The following NAALADL2 variants were observed in gnomAD, a reference collection of about 807,000 sequenced individuals.
NAALADL2 encodes N-acetylated alpha-linked acidic dipeptidase like 2.
Under a neutral mutation model 87.2 loss-of-function variants are expected in NAALADL2, and 76 were observed. The observed-to-expected ratio is 0.87, with a 90% CI of 0.72 to 1.05. The LOEUF (loss-of-function observed/expected upper bound fraction) is 1.05. NAALADL2 is among the 50% of genes least tolerant of loss of function. The pLI is 0.00. For missense variants in NAALADL2, 1,089 were observed against 945.8 expected, an observed-to-expected ratio of 1.15 and a Z score of -1.99; for synonymous variants, 354 against 331.0, an observed-to-expected ratio of 1.07 and a Z score of -0.75.
At chr3:175,043,067 TC>T (rs935694492) in intron 1 of NAALADL2, among the ~76,000 whole-genome samples, 4 of 152,150 alleles carry the variant, frequency 2.6e-5, no homozygotes, top group African/African-American at 9.7e-5. Context: ...TTGCAGATCC[TC>T]AGTCATTAAC....
rs1329700713 is a variant in NAALADL2, at chr3:174,508,111, G to GTGGTTTTTTTTTTTT, written c.-183-42456_-183-42442dup. 6.0e-5 allele frequency among the ~76,000 whole-genome samples: 4 copies of GTGGTTTTTTTTTTTT among 66,360 alleles called. 1 individual carries two copies. Among genetic ancestry groups the GTGGTTTTTTTTTTTT allele is most frequent in the African/African-American group, 2.2e-4 (4 of 18,434 alleles). The allele number at this position is 66,360 out of a possible 152,430, so 43.5% of individuals were successfully genotyped here. ...TTAAATTTTAGCTATTGGATATCTA[G>GTGGTTTTTTTTTTTT]TGGTTTTTTTTTTTTTTTTTGAGAC... is the stretch of plus-strand genomic sequence containing the variant. On this transcript the variant is annotated intron_variant, in intron 1 of 3. Coordinates refer to the NAALADL2 transcript ENST00000434257.
intron 5 of NAALADL2, among the ~76,000 whole-genome samples, chr3:175,432,541 C>A (rs1717944887): frequency 6.6e-6 from 1 of 152,020 alleles, no homozygotes; most frequent in Non-Finnish European, 1.5e-5. Context: ...CTCCGGTTAA[C>A]CTTGGCTCCT....
At chr3:175,444,596 T>C (rs1206400905) in intron 5 of NAALADL2, among the ~76,000 whole-genome samples, 1 of 152,208 alleles carries the variant, frequency 6.6e-6, no homozygotes, top group African/African-American at 2.4e-5. Flanking sequence ...GCCCCACACT[T>C]GATTTAATGC....
chr3:174,846,350 G>A (rs1263445795), intron 3 of NAALADL2, among the ~76,000 whole-genome samples: 1 of 152,114 alleles, frequency 6.6e-6, no homozygotes, highest in East Asian at 1.9e-4. Flanking sequence ...AGTTGTAGTT[G>A]TTTATTTGTT....
At chr3:174,606,123 G>A (rs1280859470) in intron 2 of NAALADL2, among the ~76,000 whole-genome samples, 2 of 152,112 alleles carry the variant, frequency 1.3e-5, no homozygotes, top group African/African-American at 2.4e-5. Context: ...TCTGTTAGAA[G>A]GAAAACTAAC....
intron 9 of NAALADL2, among the ~76,000 whole-genome samples, chr3:175,553,911 C>T (rs190931443): frequency 1.3e-3 from 194 of 151,980 alleles, no homozygotes; most frequent in Non-Finnish European, 2.1e-3. Flanking sequence ...GAGTATGCAT[C>T]CTAGTGGAAG....
At chr3:175,531,760 T>G (rs1199139771) in intron 9 of NAALADL2, among the ~76,000 whole-genome samples, 7 of 152,172 alleles carry the variant, frequency 4.6e-5, no homozygotes, top group Non-Finnish European at 1.0e-4. Flanking sequence ...TGAGACCACA[T>G]CTGGTACAAC....
At chr3:175,786,872 A>T (rs1229138135) in intron 13 of NAALADL2, among the ~76,000 whole-genome samples, 1 of 151,824 alleles carries the variant, frequency 6.6e-6, no homozygotes, top group African/African-American at 2.4e-5. Context: ...GATTATGGTG[A>T]TGTACAGATG....
rs1366545797 is a variant in NAALADL2 at position 174,831,562 on chromosome 3, A to G, written c.-9+93816A>G. ...AATGTTCATCAAGGATATTGGTCTA[A>G]AATTCTCTTTTTTTGTTGTGTCTCT... On this transcript the variant is annotated intron_variant, in intron 3 of 3. Transcript: ENST00000434257. Among the ~76,000 whole-genome samples, 5 of 149,846 alleles carry G rather than the reference A, an allele frequency of 3.3e-5. No individual in the cohort carries two copies. In the East Asian group the frequency reaches 7.8e-4, roughly 23 times the overall value.
Position 175,110,765 on chromosome 3 carries a change from C to A in NAALADL2, c.545+13474C>A, listed in dbSNP as rs1172622530. Among the ~76,000 whole-genome samples the A allele has an allele frequency of 2.0e-5, 3 of 151,656 alleles. No homozygotes were observed. The East Asian group carries it at 5.8e-4, about 29-fold the overall frequency. ...TAAATTTGGGGATTGCGGAAAATGT[C>A]ACTTAGAAAATAATTTGCTGATTGG... is the stretch of plus-strand genomic sequence containing the variant. On this transcript the variant is annotated intron_variant, in intron 2 of 13. Transcript: ENST00000454872.
intron 2 of NAALADL2, among the ~76,000 whole-genome samples, chr3:175,173,278 C>T (rs1420265448): frequency 1.3e-5 from 2 of 150,040 alleles, no homozygotes; most frequent in African/African-American, 2.5e-5. Flanking sequence ...GGTGACACAG[C>T]GAGACTCCGT....
chr3:175,278,165 A>G (rs1646243261), intron 4 of NAALADL2, among the ~76,000 whole-genome samples: 1 of 151,040 alleles, frequency 6.6e-6, no homozygotes. Context: ...TTTGTGTGAT[A>G]TTATTTGGTA....
chr3:175,621,187 G>A (rs1387915219), intron 10 of NAALADL2, among the ~76,000 whole-genome samples: 1 of 152,112 alleles, frequency 6.6e-6, no homozygotes, highest in Non-Finnish European at 1.5e-5. Context: ...TTTCACTGGG[G>A]ACCCGTTCCT....
chr3:175,790,681 A>G (rs1461175702), intron 13 of NAALADL2, among the ~76,000 whole-genome samples: 1 of 152,030 alleles, frequency 6.6e-6, no homozygotes, highest in Admixed American at 6.6e-5. Flanking sequence ...TTGTCACTAT[A>G]CTCCTTTCCT....
intron 11 of NAALADL2, among the ~76,000 whole-genome samples, chr3:175,717,950 C>T (rs1178378372): frequency 1.3e-5 from 2 of 151,498 alleles, no homozygotes; most frequent in South Asian, 2.1e-4. Flanking sequence ...GCTGGGATTA[C>T]AGGCGCCCAT....
intron 2 of NAALADL2, among the ~76,000 whole-genome samples, chr3:175,140,598 A>G (rs893410349): frequency 1.3e-5 from 2 of 152,124 alleles, no homozygotes; most frequent in Non-Finnish European, 2.9e-5. Context: ...TGAAAAATAC[A>G]TACCATGGGG....
At chr3:174,735,902 C>G (rs929255783) in intron 2 of NAALADL2, among the ~76,000 whole-genome samples, 2 of 152,116 alleles carry the variant, frequency 1.3e-5, no homozygotes, top group Non-Finnish European at 2.9e-5. Flanking sequence ...ACACTACTGG[C>G]CTGGATCCCA....
chr3:175,304,009 ATT>A (rs547607513), intron 4 of NAALADL2, among the ~76,000 whole-genome samples: 2 of 146,720 alleles, frequency 1.4e-5, no homozygotes, highest in African/African-American at 2.5e-5. Context: ...TACCATTAGG[ATT>A]TTTTTTTTTT....
intron 1 of NAALADL2, among the ~76,000 whole-genome samples, chr3:174,892,423 G>T (rs371943481): frequency 3.9e-5 from 6 of 152,084 alleles, no homozygotes; most frequent in Admixed American, 2.6e-4. Flanking sequence ...CAGTGTATTT[G>T]AAAATATACT....
Sources: gnomAD v4.1 joint callset for allele counts (sites outside exome capture counted in the v4.1 genomes callset) on GRCh38, gnomAD v4.1.1 for gene constraint, MANE v1.5 for transcripts, NCBI Gene and HGNC (gene_info 2026-07-23, HGNC 2026-07-21) for gene names.